Variants in OXR1 observed in about 807,000 individuals in gnomAD.
The protein encoded by OXR1 is oxidation resistance protein 1.
In OXR1, 41 loss-of-function variants were observed where a neutral mutation model predicts 104.6. That is an observed-to-expected ratio of 0.39 (90% CI 0.31 to 0.51). The LOEUF is 0.51. Among genes scored for constraint, OXR1 ranks in the 20% least tolerant of loss-of-function variants. The probability of loss-of-function intolerance (pLI) is 0.77; values close to 1 mark genes in which losing one functional copy is unlikely to be tolerated. For synonymous variants in OXR1, 348 were observed against 348.4 expected, an observed-to-expected ratio of 1.00 and a Z score of 0.01; for missense variants, 955 against 1,031.9, an observed-to-expected ratio of 0.93 and a Z score of 1.02.
At chr8:106,502,117 G>A (rs911499377) in intron 2 of OXR1, among the ~76,000 whole-genome samples, 1 of 152,144 alleles carries the variant, frequency 6.6e-6, no homozygotes, top group African/African-American at 2.4e-5. Flanking sequence ...ATCAATTTGG[G>A]GGATTGTATC....
chr8:106,356,193 G>A (rs776269888), intron 1 of OXR1, among the ~76,000 whole-genome samples: 4 of 152,084 alleles, frequency 2.6e-5, no homozygotes, highest in Non-Finnish European at 5.9e-5. Context: ...TTTTTCAATG[G>A]CTACATTTTA....
chr8:106,290,744 G>A (rs1387711360), intron 1 of OXR1, among the ~76,000 whole-genome samples: 1 of 152,008 alleles, frequency 6.6e-6, no homozygotes, highest in African/African-American at 2.4e-5. Context: ...ACCACAATAA[G>A]ATACCACCCC....
At chr8:106,667,794 T>C (rs1352148370) in intron 3 of OXR1, among the ~76,000 whole-genome samples, 1 of 152,102 alleles carries the variant, frequency 6.6e-6, no homozygotes, top group Non-Finnish European at 1.5e-5. Context: ...CCAGAGATAC[T>C]GTTAATATTT....
intron 3 of OXR1, among the ~76,000 whole-genome samples, chr8:106,519,474 C>G (rs1813099213): frequency 6.6e-6 from 1 of 152,112 alleles, no homozygotes; most frequent in South Asian, 2.1e-4. Context: ...TCATTTTAGC[C>G]ATTGTTCAGC....
chr8:106,365,716 T>C (rs1816443769), intron 2 of OXR1, among the ~76,000 whole-genome samples: 1 of 152,200 alleles, frequency 6.6e-6, no homozygotes, highest in Admixed American at 6.5e-5. Context: ...TTGAGCTATG[T>C]GCCTTTAGAA....
At chr8:106,437,853 A>C (rs980261230) in intron 2 of OXR1, among the ~76,000 whole-genome samples, 1 of 152,170 alleles carries the variant, frequency 6.6e-6, no homozygotes, top group Non-Finnish European at 1.5e-5. Context: ...AAGCTGCAAG[A>C]TGCCTCCTCC....
intron 3 of OXR1, among the ~76,000 whole-genome samples, chr8:106,547,366 T>C (rs1815440035): frequency 6.6e-6 from 1 of 152,146 alleles, no homozygotes; most frequent in Non-Finnish European, 1.5e-5. Context: ...ATTTCACTAT[T>C]CTAGGTACCT....
intron 3 of OXR1, among the ~76,000 whole-genome samples, chr8:106,650,399 C>A (rs1451621950): frequency 6.6e-6 from 1 of 152,160 alleles, no homozygotes; most frequent in East Asian, 1.9e-4. Context: ...ATACTGACTG[C>A]AGATGACCTA....
intron 2 of OXR1, among the ~76,000 whole-genome samples, chr8:106,499,263 A>G (rs1338884853): frequency 2.6e-5 from 4 of 152,058 alleles, no homozygotes; most frequent in African/African-American, 9.7e-5. Context: ...GGAGATGATT[A>G]CCAGAATGAC....
At chr8:106,707,626 A>G (rs2131378798) in intron 9 of OXR1, 1 of 175,758 alleles carries the variant, frequency 5.7e-6, no homozygotes, top group South Asian at 1.7e-4. Context: ...TTTCATCATC[A>G]TCATCTAATT....
intron 2 of OXR1, among the ~76,000 whole-genome samples, chr8:106,393,089 C>T (rs1261392894): frequency 6.6e-6 from 1 of 152,170 alleles, no homozygotes; most frequent in Non-Finnish European, 1.5e-5. Flanking sequence ...CATATGGTTT[C>T]TGTTTCCTTC....
At chr8:106,272,866 A>G (rs1811875177) in intron 1 of OXR1, 1 of 152,162 alleles carries the variant, frequency 6.6e-6, no homozygotes, top group African/African-American at 2.4e-5. Context: ...TCTGTTCTGC[A>G]CAGAATGCTG....
At chr8:106,629,137 G>A (rs543952461) in intron 3 of OXR1, among the ~76,000 whole-genome samples, 2 of 152,236 alleles carry the variant, frequency 1.3e-5, no homozygotes, top group East Asian at 3.9e-4. Context: ...ATGAGGAAGA[G>A]ACAAAGTTGA....
At chr8:106,582,846 C>T (rs949511798) in intron 3 of OXR1, among the ~76,000 whole-genome samples, 2 of 152,216 alleles carry the variant, frequency 1.3e-5, no homozygotes, top group African/African-American at 2.4e-5. Flanking sequence ...GTTTCAGGGA[C>T]ATGATGGACC....
Position 106,447,799 on chromosome 8 carries a change from G to A in OXR1, c.24-71144G>A. 4 of 978,720 alleles carry A rather than the reference G, an allele frequency of 4.1e-6. No individual in the cohort carries two copies. In the Admixed American group the frequency reaches 9.1e-5, roughly 22 times the overall value. 60.6% of individuals were successfully genotyped at this position (978,720 alleles called of 1,614,324 possible). On this transcript the variant is annotated intron_variant, in intron 2 of 16. Transcript: ENST00000517566. ...CCTCCTTCGTTGTACACACCGAACG[G>A]CATATTCTTTGGGTGATAACAGCTT...
At chr8:106,414,517 C>T (rs1466816488) in intron 2 of OXR1, among the ~76,000 whole-genome samples, 3 of 152,128 alleles carry the variant, frequency 2.0e-5, no homozygotes, top group Admixed American at 6.6e-5. Context: ...AAATCTATCT[C>T]TCCAGAAGCA....
At chr8:106,295,124 A>G (rs1421998081) in intron 1 of OXR1, among the ~76,000 whole-genome samples, 1 of 152,198 alleles carries the variant, frequency 6.6e-6, no homozygotes, top group Non-Finnish European at 1.5e-5. Context: ...CAAGGAACAA[A>G]AGGATAATTG....
At chr8:106,535,584 A>C (rs996075732) in intron 3 of OXR1, among the ~76,000 whole-genome samples, 1 of 152,096 alleles carries the variant, frequency 6.6e-6, no homozygotes, top group African/African-American at 2.4e-5. Context: ...TCACCATTTC[A>C]CCCAGTTGCC....
chr8:106,630,605 A>G (rs1822593405), intron 3 of OXR1, among the ~76,000 whole-genome samples: 1 of 152,216 alleles, frequency 6.6e-6, no homozygotes. Flanking sequence ...CTATGATAAA[A>G]TTATCTGGAA....
Sources: allele counts gnomAD v4.1 joint callset (sites outside exome capture counted in the v4.1 genomes callset), GRCh38; gene constraint gnomAD v4.1.1; transcripts MANE v1.5; gene names NCBI Gene and HGNC (gene_info 2026-07-23, HGNC 2026-07-21).